SND1: variants seen among roughly 807,000 people sequenced by gnomAD.
SND1 encodes the protein staphylococcal nuclease domain-containing protein 1.
Under a neutral mutation model 121.7 loss-of-function variants are expected in SND1, and 38 were observed. The observed-to-expected ratio is 0.31, with a 90% confidence interval of 0.24 to 0.41. The LOEUF (loss-of-function observed/expected upper bound fraction) is 0.41, where lower values mean the gene tolerates loss of function less well. Among genes scored for constraint, SND1 ranks in the 10% least tolerant of loss-of-function variants. The probability of loss-of-function intolerance (pLI) is 1.00; values close to 1 mark genes in which losing one functional copy is unlikely to be tolerated. For synonymous variants in SND1, 401 were observed against 447.4 expected, an observed-to-expected ratio of 0.90 and a Z score of 1.31; for missense variants, 868 against 1,184.6, an observed-to-expected ratio of 0.73 and a Z score of 3.92.
intron 1 of SND1, among the ~76,000 whole-genome samples, chr7:127,678,018 C>A (rs542472318): frequency 2.4e-4 from 37 of 152,272 alleles, no homozygotes; most frequent in Middle Eastern, 3.4e-3. Flanking sequence ...CTCATGGAAG[C>A]TTTACTTGCT....
Position 127,808,392 on chromosome 7 carries a change from T to G in SND1, c.1242+819T>G, listed in dbSNP as rs534269690. Among the ~76,000 whole-genome samples the G allele has an allele frequency of 3.3e-5, 5 of 152,302 alleles. No homozygotes were observed. In the South Asian group the frequency reaches 1.0e-3, roughly 32 times the overall value. On this transcript the variant is annotated intron_variant, in intron 11 of 23. Transcript: ENST00000354725. ...GGTGGCCAGGCTGGTCTTGAACTCC[T>G]GACCTCAAGTGATCCACCCGCCTCA... is the stretch of plus-strand genomic sequence containing the variant.
At chr7:127,654,039 A>G (rs2116215106) in intron 1 of SND1, among the ~76,000 whole-genome samples, 1 of 152,342 alleles carries the variant, frequency 6.6e-6, no homozygotes, top group Middle Eastern at 3.4e-3. Flanking sequence ...TGGCAGTAAG[A>G]AAGAGTGGAT....
chr7:127,899,277 A>AAC (rs3840645), intron 13 of SND1, among the ~76,000 whole-genome samples: 41,604 of 149,752 alleles, frequency 0.28, 6,314 homozygotes, highest in East Asian at 0.58. Flanking sequence ...ACCTGCACAC[A>AAC]ACACACACAC....
intron 1 of SND1, among the ~76,000 whole-genome samples, chr7:127,678,592 A>T (rs1007499336): frequency 6.6e-6 from 1 of 152,116 alleles, no homozygotes; most frequent in East Asian, 1.9e-4. Flanking sequence ...ACACATACGC[A>T]CACACACACA....
chr7:127,883,656 A>T (rs1298773980), intron 12 of SND1, among the ~76,000 whole-genome samples: 1 of 152,154 alleles, frequency 6.6e-6, no homozygotes, highest in African/African-American at 2.4e-5. Context: ...CTATCATCTA[A>T]TCCACAAACC....
At chr7:128,030,793 A>G (rs1242348198) in intron 16 of SND1, 7 of 983,294 alleles carry the variant, frequency 7.1e-6, no homozygotes, top group Non-Finnish European at 1.0e-5. Context: ...GGATCGGCCG[A>G]AAAAAATCCT....
intron 20 of SND1, 31 bp from the exon 21 acceptor site, chr7:128,086,907 G>C (rs1216567747): frequency 6.4e-7 from 1 of 1,552,006 alleles, no homozygotes; most frequent in Admixed American, 1.7e-5. Flanking sequence ...CAGCGAGTAT[G>C]TGACATGTTG....
intron 10 of SND1, among the ~76,000 whole-genome samples, chr7:127,730,469 G>T (rs920191598): frequency 1.3e-5 from 2 of 152,182 alleles, no homozygotes; most frequent in Non-Finnish European, 2.9e-5. Flanking sequence ...GAAGCCACTT[G>T]ATGTAATAGC....
At chr7:128,045,265 C>G (rs986736234) in intron 16 of SND1, among the ~76,000 whole-genome samples, 2 of 152,160 alleles carry the variant, frequency 1.3e-5, no homozygotes, top group Non-Finnish European at 2.9e-5. Flanking sequence ...GGCTGTGCCT[C>G]CTCCCCACCC....
chr7:127,739,093 C>G (rs1393009333), intron 10 of SND1, among the ~76,000 whole-genome samples: 1 of 152,158 alleles, frequency 6.6e-6, no homozygotes, highest in Non-Finnish European at 1.5e-5. Flanking sequence ...TGGGTTTGTG[C>G]TGAAATGTGT....
At chr7:127,890,709 A>G (rs556910675) in intron 13 of SND1, among the ~76,000 whole-genome samples, 1 of 152,158 alleles carries the variant, frequency 6.6e-6, no homozygotes, top group African/African-American at 2.4e-5. Context: ...ATGTTTTGCT[A>G]TAATACTTAA....
chr7:128,045,534 A>G (rs966828726), intron 16 of SND1, among the ~76,000 whole-genome samples: 3 of 152,234 alleles, frequency 2.0e-5, no homozygotes, highest in African/African-American at 7.2e-5. Context: ...TCAGCCACCT[A>G]ATATTTTCTG....
At chr7:128,073,171 AACCTGG>A (rs1793443701) in intron 16 of SND1, among the ~76,000 whole-genome samples, 1 of 152,144 alleles carries the variant, frequency 6.6e-6, no homozygotes, top group Non-Finnish European at 1.5e-5. Context: ...GCATTGGGGA[AACCTGG>A]ATTCTGCTCT....
intron 16 of SND1, among the ~76,000 whole-genome samples, chr7:128,045,167 C>G (rs1792924876): frequency 6.6e-6 from 1 of 152,202 alleles, no homozygotes; most frequent in African/African-American, 2.4e-5. Context: ...AGTTAAGAAC[C>G]TGAAAACGCC....
intron 16 of SND1, chr7:127,997,420 G>A (rs1007994483): frequency 5.2e-5 from 16 of 309,644 alleles, no homozygotes; most frequent in East Asian, 5.0e-4. Context: ...GGAATTTGAA[G>A]AATTTGCTAT....
chr7:128,092,246 G>T lies in SND1; in HGVS notation c.*188G>T. 1 of 614,774 alleles carries T rather than the reference G, an allele frequency of 1.6e-6. No individual in the cohort carries two copies. The highest frequency in any genetic ancestry group is 2.9e-6 in the Non-Finnish European group (1 of 347,482). The allele number at this position is 614,774 out of a possible 1,614,324, so 38.1% of individuals were successfully genotyped here. On this transcript the variant is annotated 3_prime_UTR_variant, in exon 24 of 24. Transcript: ENST00000354725. This position sits in a 1 kb window ranked among gnomAD's most constrained non-coding sequence, Gnocchi z 4.9. ...GGGGACCCCAAGGCTTTCTGGGGCA[G>T]ACCCTTGTCCTCTGGGATGATGGGC...
chr7:127,656,307 TTTTCTTTTCTTTC>T, intron 1 of SND1, among the ~76,000 whole-genome samples: 1 of 151,710 alleles, frequency 6.6e-6, no homozygotes, highest in African/African-American at 2.4e-5. Flanking sequence ...TTCTTTTTCT[TTTTCTTTTCTTTC>T]TTTCTTTTTT....
chr7:127,935,030 A>C (rs1321940102), intron 15 of SND1, among the ~76,000 whole-genome samples: 1 of 152,220 alleles, frequency 6.6e-6, no homozygotes, highest in African/African-American at 2.4e-5. Flanking sequence ...CAGAGTTTAC[A>C]TAAAACATCA....
intron 16 of SND1, chr7:127,997,960 G>T (rs556183812): frequency 1.9e-6 from 1 of 534,766 alleles, no homozygotes; most frequent in South Asian, 1.4e-5. Flanking sequence ...AGCACCCTGT[G>T]CATGTATCTG....
Sources: gnomAD v4.1 joint callset for allele counts (sites outside exome capture counted in the v4.1 genomes callset) on GRCh38, gnomAD v4.1.1 for gene constraint, Gnocchi (gnomAD v3.1) non-coding constraint, MANE v1.5 for transcripts, NCBI Gene and HGNC (gene_info 2026-07-23, HGNC 2026-07-21) for gene names.